Variants in PLA2G4F observed in about 807,000 individuals in gnomAD.
PLA2G4F encodes the protein phospholipase A2 group IVF.
PLA2G4F carries 105 observed loss-of-function variants against 103.1 expected under a neutral mutation model. The observed-to-expected ratio is 1.02, with a 90% CI of 0.87 to 1.20. The LOEUF is 1.20. Ranked by LOEUF, PLA2G4F falls within the 50% of genes most tolerant of loss-of-function variation. The pLI, the probability that PLA2G4F is intolerant of heterozygous loss-of-function variation, is 0.00. For synonymous variants in PLA2G4F, 468 were observed against 441.1 expected, an observed-to-expected ratio of 1.06 and a Z score of -0.76; for missense variants, 1,155 against 1,075.9, an observed-to-expected ratio of 1.07 and a Z score of -1.03.
rs4923929 is a variant in PLA2G4F, at chr15:42,147,178, G to T, written c.1365C>A (p.Ser455Arg). 2 of 1,612,398 alleles carry T rather than the reference G, an allele frequency of 1.2e-6. No homozygotes were observed. Among genetic ancestry groups the T allele is most frequent in the Non-Finnish European group, 1.7e-6 (2 of 1,179,836 alleles). ...ELGVRERSGH[S>R]VSLIDLWGLL... is the part of the protein sequence containing the mutation. ...GGCCCCAGAGGTCGATGAGGGACAC[G>T]CTGTGGCCACTGCGCTCCCGGACCC... Residue 455 changes from serine (S) to arginine (R), a missense_variant, in exon 13 of 20, where the codon AGC (serine) becomes AGA (arginine). This residue lies in a region of PLA2G4F where 782 missense variants were observed against 692.9 expected (regional missense o/e 1.13). Transcript: ENST00000397272.
intron 7 of PLA2G4F, chr15:42,151,567 A>C (rs1490827467): frequency 3.0e-6 from 3 of 985,270 alleles, no homozygotes; most frequent in African/African-American, 3.5e-5. Context: ...AGGACAGCAG[A>C]CACTGAGGGA....
At chr15:42,149,607 C>T in intron 11 of PLA2G4F, 106 bp downstream of exon 11, 1 of 1,505,798 alleles carries the variant, frequency 6.6e-7, no homozygotes, top group Non-Finnish European at 8.9e-7. Context: ...CTCAGGTGAA[C>T]AGGCCAACCT....
At chr15:42,153,720 TCCTG>T (rs2048982991) in intron 4 of PLA2G4F, 60 bp from the exon 5 acceptor site, 1 of 1,589,236 alleles carries the variant, frequency 6.3e-7, no homozygotes. Context: ...CCAGAGCTGT[TCCTG>T]CCTGCCAGCC....
intron 13 of PLA2G4F, chr15:42,146,820 A>C (rs2048891011): frequency 3.2e-6 from 1 of 316,854 alleles, no homozygotes; most frequent in Non-Finnish European, 5.9e-6. Flanking sequence ...CCTGAGAACA[A>C]CTAAAATCAC....
Position 42,154,392 on chromosome 15 carries a change from C to G in PLA2G4F, c.251G>C (p.Arg84Thr). The change falls in exon 3 of 20, where the codon AGG becomes ACG. Residue 84 changes from arginine to threonine, a missense_variant. Transcript: ENST00000397272. ...GGGGTCACTGCAGTTGGCCACTATC[C>G]TAGTCTGGGCAGGGCTTGGGGACGC... ...PTASPSPAQT[R>T]IVANCSDPEW... 6.2e-7 allele frequency: 1 copy of G among 1,612,052 alleles called. No individual in the cohort carries two copies. The highest frequency in any genetic ancestry group is 8.5e-7 in the Non-Finnish European group (1 of 1,178,622).
chr15:42,149,163 C>T, intron 11 of PLA2G4F: 1 of 985,312 alleles, frequency 1.0e-6, no homozygotes, highest in Non-Finnish European at 1.2e-6. Context: ...CTCAACTGTC[C>T]CCCTCCAAAT....
chr15:42,142,354 G>C (rs1763563876), intron 19 of PLA2G4F, 150 bp from the exon 20 acceptor site: 2 of 1,164,350 alleles, frequency 1.7e-6, no homozygotes, highest in Non-Finnish European at 2.4e-6. Flanking sequence ...CCCCCCAGGA[G>C]GGGCTGGCCC....
At position 42,145,620 on chromosome 15, in the gene PLA2G4F, C is replaced by A. The variant is rs758958455; in HGVS notation, c.1735G>T (p.Gly579Cys). The A allele has an allele frequency of 1.9e-6, 3 of 1,614,106 alleles. No individual in the cohort carries two copies. The South Asian group carries it at 3.3e-5, about 18-fold the overall frequency. ...DEIFLKTAGSGLSFLEWYRGS... is the reference protein window; with the variant it reads ...DEIFLKTAGSCLSFLEWYRGS... ...CTGTACCACTCCAGGAAGCTGAGGCCCGAGCCGGCGGTCTTTAGGAAGATC... is the reference window on the plus strand; with the variant it reads ...CTGTACCACTCCAGGAAGCTGAGGCACGAGCCGGCGGTCTTTAGGAAGATC... Residue 579 changes from glycine to cysteine, a missense_variant, in exon 16 of 20, where the codon GGC (glycine) becomes TGC (cysteine). Gly to Cys is a radical substitution (Grantham distance 159). Coordinates refer to ENST00000397272, the MANE Select transcript of PLA2G4F (RefSeq NM_213600.4).
In PLA2G4F at chr15:42,145,857, C is replaced by T. The variant is rs751427672; in HGVS notation, c.1581G>A (p.Gly527=). 345 of 1,613,914 alleles carry T rather than the reference C, an allele frequency of 2.1e-4. No individual in the cohort carries two copies. The highest frequency in any genetic ancestry group is 2.7e-4 in the Non-Finnish European group (323 of 1,180,016). ...CGAAGAGCTCGGTGGGAACATAAGCCCCGTACTTGGGGAAGCCAACCTCAT... is the reference window on the plus strand; with the variant it reads ...CGAAGAGCTCGGTGGGAACATAAGCTCCGTACTTGGGGAAGCCAACCTCAT... The part of the protein sequence containing the change: ...TPYEVGFPKY[G]AYVPTELFGS... Residue 527 remains glycine, a synonymous_variant, in exon 15 of 20, where the codon GGG becomes GGA. Coordinates refer to ENST00000397272, the MANE Select transcript of PLA2G4F (RefSeq NM_213600.4).
At position 42,140,357 on chromosome 15, in the gene PLA2G4F, T is replaced by G. The variant is rs1218209492; in HGVS notation, c.*1627A>C. On this transcript the variant is annotated 3_prime_UTR_variant, in exon 20 of 20. Transcript: ENST00000397272. ...ATTCTAAGTTGTGAACGCTGTGCAGTTCTGAGCTGTGAACCCTATGAAGGT... is the reference window on the plus strand; with the variant it reads ...ATTCTAAGTTGTGAACGCTGTGCAGGTCTGAGCTGTGAACCCTATGAAGGT... 6.6e-6 allele frequency: 1 copy of G among 152,194 alleles called. No homozygotes were observed. Among genetic ancestry groups the G allele is most frequent in the African/African-American group, 2.4e-5 (1 of 41,438 alleles). The allele number at this position is 152,194 out of a possible 1,614,324, so 9.4% of individuals were successfully genotyped here.
chr15:42,155,395 C>G, intron 2 of PLA2G4F, 122 bp downstream of exon 2: 1 of 985,290 alleles, frequency 1.0e-6, no homozygotes. Context: ...CACATGCACT[C>G]TCACTTGTAC....
chr15:42,150,801 G>C, intron 7 of PLA2G4F, 24 bp from the exon 8 acceptor site: 1 of 1,596,770 alleles, frequency 6.3e-7, no homozygotes. Flanking sequence ...GCCCAGGTGG[G>C]TGCGCAGGTG....
chr15:42,153,295 C>T lies in PLA2G4F; in HGVS notation c.534+5G>A, dbSNP rs774869275. 4.2e-5 allele frequency: 67 copies of T among 1,614,004 alleles called. No homozygotes were observed. In the Middle Eastern group the frequency reaches 6.6e-4, roughly 16 times the overall value. On this transcript the variant is annotated splice_donor_5th_base_variant and intron_variant, in intron 6 of 19. Transcript: ENST00000397272. The stretch of plus-strand genomic sequence containing the variant: ...AACAGCGCCAAGCTTGCCTTCCCCA[C>T]TCACCACCAGAACCCCGTTGGTGAT...
intron 4 of PLA2G4F, 80 bp downstream of exon 4, chr15:42,154,012 A>G (rs2048986277): frequency 6.3e-7 from 1 of 1,595,024 alleles, no homozygotes; most frequent in South Asian, 1.1e-5. Context: ...GCCTGTGCCG[A>G]CCAGAGCCCC....
chr15:42,145,021 G>A (rs547279138), intron 16 of PLA2G4F, among the ~76,000 whole-genome samples: 2 of 152,300 alleles, frequency 1.3e-5, no homozygotes, highest in Non-Finnish European at 2.9e-5. Flanking sequence ...ACCTGCCCTG[G>A]CCCTCCCAGG....
rs148006230 is a variant in PLA2G4F, at chr15:42,150,740, G to C, written c.639C>G (p.Tyr213Ter). ...RQLQLAVPGAYEKPQLLPLQP... is the reference protein window; with the variant it reads ...RQLQLAVPGA ...GCAGGGGCAAGAGCTGTGGCTTCTC[G>C]TAGGCTCCAGGCACTGCCAGCTGGA... The change falls in exon 8 of 20, where the codon TAC becomes TAG. Residue 213 changes from tyrosine to a stop codon, truncating the protein, a stop_gained. Coordinates refer to ENST00000397272, the MANE Select transcript of PLA2G4F (RefSeq NM_213600.4). LOFTEE classifies it high-confidence loss of function. The C allele has an allele frequency of 6.2e-7, 1 of 1,610,732 alleles. No individual in the cohort carries two copies. The highest frequency in any genetic ancestry group is 8.5e-7 in the Non-Finnish European group (1 of 1,179,014).
At chr15:42,151,136 C>T (rs962110474) in intron 7 of PLA2G4F, 1 of 985,176 alleles carries the variant, frequency 1.0e-6, no homozygotes, top group Admixed American at 6.1e-5. Context: ...GCAGTGGTTT[C>T]CCGCTTGCCC....
chr15:42,147,643 C>G lies in PLA2G4F; in HGVS notation c.1179G>C (p.Gly393=). ...GLLDTVTYLS[G]VSGSTWCIST... is the part of the protein sequence containing the mutation. Reference sequence around the variant, plus strand: ...TCACTTACCAGGTAGACCCAGAGACCCCACTCAGGTAGGTCACAGTGTCTA... The same window carrying G: ...TCACTTACCAGGTAGACCCAGAGACGCCACTCAGGTAGGTCACAGTGTCTA... The change falls in exon 12 of 20, where the codon GGG becomes GGC. Residue 393 remains glycine, a synonymous_variant. Coordinates refer to ENST00000397272, the MANE Select transcript of PLA2G4F (RefSeq NM_213600.4). The G allele has an allele frequency of 1.2e-6, 2 of 1,614,056 alleles. No homozygotes were observed. Among genetic ancestry groups the G allele is most frequent in the Non-Finnish European group, 1.7e-6 (2 of 1,179,986 alleles).
rs16972770 is a variant in PLA2G4F, at chr15:42,151,328, G to A, written c.602-551C>T. The A allele has an allele frequency of 9.1e-6, 9 of 984,990 alleles. No homozygotes were observed. The African/African-American group carries it at 1.1e-4, about 12-fold the overall frequency. 61.0% of individuals were successfully genotyped at this position (984,990 alleles called of 1,614,324 possible). A position where few individuals can be genotyped will look rare whatever the true frequency, so the allele number is the denominator to read the frequency against. ...GAGATGCACGTCCTGGAGAAGCGGC[G>A]GAGGGCTAGCCCAGACTGGAAGATG... On this transcript the variant is annotated intron_variant, in intron 7 of 19. Transcript: ENST00000397272.
Sources: allele counts gnomAD v4.1 joint callset (sites outside exome capture counted in the v4.1 genomes callset), GRCh38; gene constraint gnomAD v4.1.1; regional missense constraint gnomAD v4.1.1; transcripts MANE v1.5; gene names NCBI Gene and HGNC (gene_info 2026-07-23, HGNC 2026-07-21).